EPHB2: variants seen among roughly 807,000 people sequenced by gnomAD.
EPHB2 encodes EPH receptor B2.
EPHB2 carries 18 observed loss-of-function variants against 96.4 expected under a neutral mutation model. The observed-to-expected ratio is 0.19, with a 90% CI of 0.13 to 0.28. The LOEUF (loss-of-function observed/expected upper bound fraction) is 0.28. Ranked by LOEUF, EPHB2 falls within the 10% of genes least tolerant of loss-of-function variation. The pLI is 1.00. For missense variants in EPHB2, 989 were observed against 1,355.4 expected (o/e 0.73, Z 4.25); for synonymous variants, 506 against 534.1 (o/e 0.95, Z 0.72).
At chr1:22,730,177 T>C (rs921341829) in intron 1 of EPHB2, among the ~76,000 whole-genome samples, 12 of 152,222 alleles carry the variant, frequency 7.9e-5, no homozygotes, top group African/African-American at 2.9e-4. Flanking sequence ...CCCACTGGTA[T>C]TGTTCTCCTG....
At chr1:22,838,667 G>T (rs898818144) in intron 3 of EPHB2, among the ~76,000 whole-genome samples, 2 of 152,194 alleles carry the variant, frequency 1.3e-5, no homozygotes, top group Non-Finnish European at 2.9e-5. Flanking sequence ...CGTGGCTCAC[G>T]CCTGTAATCC....
At chr1:22,807,469 C>T (rs1321681852) in intron 3 of EPHB2, among the ~76,000 whole-genome samples, 1 of 152,144 alleles carries the variant, frequency 6.6e-6, no homozygotes, top group Non-Finnish European at 1.5e-5. Context: ...AGCTTTCTGG[C>T]CTGAGCATAC....
chr1:22,883,090 G>A (rs576726616), intron 6 of EPHB2, among the ~76,000 whole-genome samples: 5 of 152,352 alleles, frequency 3.3e-5, no homozygotes, highest in Admixed American at 1.3e-4. Flanking sequence ...TCCCAGCTCC[G>A]TCCTTCACCA....
At chr1:22,782,812 G>A (rs1644554488) in intron 2 of EPHB2, among the ~76,000 whole-genome samples, 1 of 152,184 alleles carries the variant, frequency 6.6e-6, no homozygotes, top group Admixed American at 6.5e-5. Context: ...GGGAGCTTCA[G>A]AGTCGCCATT....
chr1:22,719,343 A>G (rs1643376500), intron 1 of EPHB2, among the ~76,000 whole-genome samples: 1 of 152,182 alleles, frequency 6.6e-6, no homozygotes, highest in Non-Finnish European at 1.5e-5. Context: ...GCCAATCTTA[A>G]TAGCTCATCT....
chr1:22,765,530 G>T (rs939693522), intron 1 of EPHB2, among the ~76,000 whole-genome samples: 1 of 132,946 alleles, frequency 7.5e-6, no homozygotes, highest in African/African-American at 2.9e-5. Context: ...CTGGGTGACA[G>T]AGAGAGACCC....
In EPHB2 at chr1:22,771,709, C is replaced by T. The variant is rs116698064; in HGVS notation, c.62-9712C>T. 7.9e-3 allele frequency among the ~76,000 whole-genome samples: 1,199 copies of T among 152,312 alleles called. 7 individuals carry two copies. Among genetic ancestry groups the T allele is most frequent in the African/African-American group, 0.027 (1,101 of 41,546 alleles). On this transcript the variant is annotated intron_variant, in intron 1 of 15. Transcript: ENST00000374630. Reference sequence around the variant, plus strand: ...AACGTGGCAGGCATTGTTCCATGCACACGGTAGCTGCCCAGTAATGCCAGC... The same window carrying T: ...AACGTGGCAGGCATTGTTCCATGCATACGGTAGCTGCCCAGTAATGCCAGC...
At chr1:22,862,043 T>C (rs1434121173) in intron 3 of EPHB2, among the ~76,000 whole-genome samples, 3 of 152,248 alleles carry the variant, frequency 2.0e-5, no homozygotes, top group Non-Finnish European at 2.9e-5. Flanking sequence ...GCTGGGTTCA[T>C]GAACCCAGCA....
chr1:22,856,135 A>T (rs1183377853), intron 3 of EPHB2, among the ~76,000 whole-genome samples: 1 of 152,132 alleles, frequency 6.6e-6, no homozygotes, highest in African/African-American at 2.4e-5. Flanking sequence ...CTTTGGGATT[A>T]AGCCAGAGTC....
chr1:22,716,456 G>T (rs1269030955), intron 1 of EPHB2, among the ~76,000 whole-genome samples: 1 of 151,938 alleles, frequency 6.6e-6, no homozygotes, highest in Non-Finnish European at 1.5e-5. Flanking sequence ...CTCAGCCTCC[G>T]GAGTAGCTGG....
chr1:22,771,905 C>T (rs372925385), intron 1 of EPHB2, among the ~76,000 whole-genome samples: 1 of 152,050 alleles, frequency 6.6e-6, no homozygotes, highest in East Asian at 1.9e-4. Context: ...TTCTGATTTA[C>T]TATGTGGCCT....
At chr1:22,834,975 G>A (rs994703251) in intron 3 of EPHB2, among the ~76,000 whole-genome samples, 8 of 152,154 alleles carry the variant, frequency 5.3e-5, no homozygotes, top group Non-Finnish European at 7.4e-5. Flanking sequence ...AAATTGGCCT[G>A]TGGGGGCATA....
At chr1:22,904,748 T>C (rs1468406328) in intron 9 of EPHB2, among the ~76,000 whole-genome samples, 1 of 152,232 alleles carries the variant, frequency 6.6e-6, no homozygotes, top group Non-Finnish European at 1.5e-5. Context: ...TAATACTTTA[T>C]TTACAAAATA....
chr1:22,891,950 A>C (rs1639403806), intron 6 of EPHB2, among the ~76,000 whole-genome samples: 1 of 150,732 alleles, frequency 6.6e-6, no homozygotes, highest in African/African-American at 2.4e-5. Context: ...ATGTATCTCC[A>C]TGCCCAGCTA....
chr1:22,742,234 G>A (rs1181088703), intron 1 of EPHB2, among the ~76,000 whole-genome samples: 2 of 152,198 alleles, frequency 1.3e-5, no homozygotes, highest in African/African-American at 4.8e-5. Flanking sequence ...CCTGACATGA[G>A]GACCGCCCTG....
At chr1:22,912,810 T>C in intron 15 of EPHB2, 1 of 651,724 alleles carries the variant, frequency 1.5e-6, no homozygotes, top group Non-Finnish European at 2.7e-6. Context: ...GGTCAAATCA[T>C]AGCACCTCCC....
intron 3 of EPHB2, among the ~76,000 whole-genome samples, chr1:22,829,486 C>T (rs1645272208): frequency 6.6e-6 from 1 of 152,200 alleles, no homozygotes; most frequent in Admixed American, 6.5e-5. Flanking sequence ...CCAGAGGCCT[C>T]CCTACAACTG....
At chr1:22,910,279 A>G in intron 13 of EPHB2, 103 bp from the exon 14 acceptor site, 1 of 1,481,900 alleles carries the variant, frequency 6.7e-7, no homozygotes, top group Non-Finnish European at 9.4e-7. Context: ...ACAGCAACTA[A>G]ATAGGTCAGA....
intron 1 of EPHB2, among the ~76,000 whole-genome samples, chr1:22,734,238 AC>A (rs374005699): frequency 2.0e-5 from 3 of 151,188 alleles, no homozygotes; most frequent in African/African-American, 4.9e-5. Context: ...GATAAATCTT[AC>A]CCCCCGGCAC....
Sources: allele counts gnomAD v4.1 joint callset (sites outside exome capture counted in the v4.1 genomes callset), GRCh38; gene constraint gnomAD v4.1.1; transcripts MANE v1.5; gene names NCBI Gene and HGNC (gene_info 2026-07-23, HGNC 2026-07-21).